EXOC2: variants seen among roughly 807,000 people sequenced by gnomAD.
EXOC2 encodes SEC5-like 1.
EXOC2 carries 70 observed loss-of-function variants against 131.8 expected under a neutral mutation model. The observed-to-expected ratio is 0.53, with a 90% CI of 0.44 to 0.65. The LOEUF (loss-of-function observed/expected upper bound fraction) is 0.65. Ranked by LOEUF, EXOC2 falls within the 30% of genes least tolerant of loss-of-function variation. EXOC2 has a pLI of 0.00. For synonymous variants in EXOC2, 411 were observed against 398.4 expected (o/e 1.03, Z -0.38); for missense variants, 923 against 1,108.6 (o/e 0.83, Z 2.38).
At chr6:540,412 C>T (rs1041874119) in intron 22 of EXOC2, among the ~76,000 whole-genome samples, 6 of 152,198 alleles carry the variant, frequency 3.9e-5, no homozygotes, top group African/African-American at 1.4e-4. Context: ...TTTACTGCTA[C>T]CACTATCTCC....
intron 1 of EXOC2, among the ~76,000 whole-genome samples, chr6:675,360 A>C (rs1023588963): frequency 1.3e-5 from 2 of 152,210 alleles, no homozygotes; most frequent in Non-Finnish European, 2.9e-5. Context: ...GGCCATGGTA[A>C]TAGCATTGTT....
Position 532,581 on chromosome 6 carries a change from A to G in EXOC2, c.2268T>C (p.Asp756=). The G allele has an allele frequency of 6.2e-7, 1 of 1,602,106 alleles. No individual in the cohort carries two copies. Among genetic ancestry groups the G allele is most frequent in the Non-Finnish European group, 8.5e-7 (1 of 1,175,778 alleles). The part of the protein sequence containing the change: ...QVSMASLKEL[D]QRLFENYIEL... ...CGATGTAATTTTCAAAGAGTCTTTG[A>G]TCTAGTTCTTTCAATGAGGCCATGC... The change falls in exon 23 of 28, where the codon GAT becomes GAC. Residue 756 remains aspartate (D), a synonymous_variant. Transcript: ENST00000230449.
intron 27 of EXOC2, among the ~76,000 whole-genome samples, chr6:487,415 TTC>T: frequency 6.6e-6 from 1 of 152,184 alleles, no homozygotes; most frequent in East Asian, 1.9e-4. Context: ...CTAATTTTTT[TTC>T]TTTTTTTCAG....
At chr6:674,509 A>C (rs1764019666) in intron 1 of EXOC2, among the ~76,000 whole-genome samples, 1 of 152,242 alleles carries the variant, frequency 6.6e-6, no homozygotes, top group South Asian at 2.1e-4. Context: ...GGAAACAAAG[A>C]AAATGTGCAA....
chr6:617,594 T>C (rs1761078010), intron 6 of EXOC2, 117 bp downstream of exon 6: 1 of 1,335,532 alleles, frequency 7.5e-7, no homozygotes, highest in Non-Finnish European at 1.0e-6. Context: ...TATAGCACAT[T>C]TGAGATCTCT....
intron 23 of EXOC2, among the ~76,000 whole-genome samples, chr6:528,932 T>C (rs2982490): frequency 0.79 from 38,372 of 48,562 alleles, 17,475 homozygotes; most frequent in South Asian, 0.9. Flanking sequence ...GGTAACTAGC[T>C]GGATGCAGAA....
intron 23 of EXOC2, among the ~76,000 whole-genome samples, chr6:529,335 G>A (rs1040401281): frequency 3.9e-5 from 6 of 152,226 alleles, no homozygotes; most frequent in African/African-American, 9.7e-5. Flanking sequence ...TGCCCCTGCC[G>A]GTGTTCGGCA....
chr6:516,159 C>T (rs769522791), intron 23 of EXOC2, among the ~76,000 whole-genome samples: 1 of 152,162 alleles, frequency 6.6e-6, no homozygotes, highest in African/African-American at 2.4e-5. Flanking sequence ...GTCCTGAAAG[C>T]GTTTCATTAA....
At chr6:604,368 T>TCTC (rs1445607575) in intron 7 of EXOC2, among the ~76,000 whole-genome samples, 2 of 152,162 alleles carry the variant, frequency 1.3e-5, no homozygotes, top group Non-Finnish European at 2.9e-5. Flanking sequence ...CACGTCACCC[T>TCTC]CACGTTACTT....
intron 11 of EXOC2, among the ~76,000 whole-genome samples, chr6:590,608 T>A (rs1169627298): frequency 1.3e-5 from 2 of 152,164 alleles, no homozygotes; most frequent in Admixed American, 1.3e-4. Flanking sequence ...TTTGCCAGAG[T>A]CACCACCAAC....
At chr6:648,169 C>T (rs565429530) in intron 1 of EXOC2, among the ~76,000 whole-genome samples, 2 of 152,172 alleles carry the variant, frequency 1.3e-5, no homozygotes, top group Non-Finnish European at 2.9e-5. Context: ...ACATAATATA[C>T]ACTCAGTAAT....
chr6:631,504 A>G (rs1761855094), intron 3 of EXOC2, among the ~76,000 whole-genome samples: 1 of 151,966 alleles, frequency 6.6e-6, no homozygotes. Context: ...AGATCGCGCC[A>G]TTGCACTCCA....
At chr6:487,585 T>G (rs984890100) in intron 27 of EXOC2, among the ~76,000 whole-genome samples, 1 of 152,178 alleles carries the variant, frequency 6.6e-6, no homozygotes, top group Admixed American at 6.5e-5. Context: ...TTTTGTATTT[T>G]TAGTAGAGAC....
intron 20 of EXOC2, 82 bp from the exon 21 acceptor site, chr6:554,002 G>T: frequency 1.9e-6 from 2 of 1,072,184 alleles, no homozygotes; most frequent in Non-Finnish European, 2.9e-6. Flanking sequence ...AAATTTAAAC[G>T]TGCAATGAAT....
chr6:560,229 C>T (rs571986913), intron 17 of EXOC2, among the ~76,000 whole-genome samples: 3 of 152,366 alleles, frequency 2.0e-5, no homozygotes, highest in African/African-American at 7.2e-5. Context: ...TCCTAACCCA[C>T]ATCACTGTGA....
intron 6 of EXOC2, among the ~76,000 whole-genome samples, chr6:612,674 T>C (rs1760773373): frequency 6.6e-6 from 1 of 152,110 alleles, no homozygotes; most frequent in South Asian, 2.1e-4. Flanking sequence ...CAATAGACAC[T>C]AACAACAGAA....
chr6:500,307 T>TA (rs1047322264), intron 23 of EXOC2, among the ~76,000 whole-genome samples: 1 of 152,330 alleles, frequency 6.6e-6, no homozygotes, highest in African/African-American at 2.4e-5. Flanking sequence ...GTAAGCAAGT[T>TA]AAAGCCTGGA....
chr6:686,144 A>C (rs535708902), intron 1 of EXOC2, among the ~76,000 whole-genome samples: 25 of 151,786 alleles, frequency 1.6e-4, no homozygotes, highest in African/African-American at 6.0e-4. Flanking sequence ...TTGTATTTTT[A>C]GTAGAGACGG....
At chr6:632,785 T>C (rs1297014677) in intron 3 of EXOC2, among the ~76,000 whole-genome samples, 156 bp downstream of exon 3, 1 of 152,206 alleles carries the variant, frequency 6.6e-6, no homozygotes, top group East Asian at 1.9e-4. Context: ...AACACAAATA[T>C]TAACCAACAT....
Sources: gnomAD v4.1 joint callset for allele counts (sites outside exome capture counted in the v4.1 genomes callset) on GRCh38, gnomAD v4.1.1 for gene constraint, MANE v1.5 for transcripts, NCBI Gene and HGNC (gene_info 2026-07-23, HGNC 2026-07-21) for gene names.